The following RRP7A variants were observed in gnomAD, a reference collection of about 807,000 sequenced individuals.
RRP7A encodes the protein ribosomal RNA processing 7 homolog A, also known as ribosomal RNA-processing protein 7 homolog A.
Under a neutral mutation model 38.4 loss-of-function variants are expected in RRP7A, and 27 were observed. The ratio of observed to expected loss-of-function variants is 0.70; its 90% confidence interval spans 0.52 to 0.97. The LOEUF (loss-of-function observed/expected upper bound fraction) is 0.97. Ranked by LOEUF, RRP7A falls within the 50% of genes least tolerant of loss-of-function variation. RRP7A has a pLI of 0.00. For missense variants in RRP7A, 327 were observed against 375.4 expected (o/e 0.87, Z 1.07); for synonymous variants, 124 against 150.3 (o/e 0.83, Z 1.28).
In RRP7A at chr22:42,517,583, G is replaced by A. The variant is rs377467269; in HGVS notation, c.216+422C>T. Among the ~76,000 whole-genome samples, 70 of 152,008 alleles carry A rather than the reference G, an allele frequency of 4.6e-4. 2 individuals carry two copies. The highest frequency in any genetic ancestry group is 1.6e-3 in the African/African-American group (67 of 41,478). ...TGCCCAGGCTGGAGTGCAGTGGCGC[G>A]ATCTTGGCTCACTGCAACCTACACC... is the stretch of plus-strand genomic sequence containing the variant. On this transcript the variant is annotated intron_variant, in intron 2 of 6. Coordinates refer to ENST00000323013, the MANE Select transcript of RRP7A (RefSeq NM_015703.5).
intron 1 of RRP7A, 103 bp from the exon 2 acceptor site, chr22:42,518,250 C>T (rs1920936607): frequency 4.1e-6 from 4 of 976,570 alleles, no homozygotes; most frequent in Non-Finnish European, 6.3e-6. Flanking sequence ...CTAGTCCTAT[C>T]TGTTCATCGA....
Position 42,512,193 on chromosome 22 carries a change from A to G in RRP7A, c.*717T>C, listed in dbSNP as rs1326045283. 1 of 1,611,418 alleles carries G rather than the reference A, an allele frequency of 6.2e-7. No homozygotes were observed. The highest frequency in any genetic ancestry group is 8.5e-7 in the Non-Finnish European group (1 of 1,178,176). ...ACCCCAGCACGTGGCCAGTATCATC[A>G]GCTCCTTCTTACAGTGCACACACAC... On this transcript the variant is annotated 3_prime_UTR_variant, in exon 7 of 7. Coordinates refer to ENST00000323013, the MANE Select transcript of RRP7A (RefSeq NM_015703.5).
intron 2 of RRP7A, among the ~76,000 whole-genome samples, chr22:42,517,190 A>G (rs1438257996): frequency 1.3e-5 from 2 of 151,974 alleles, no homozygotes; most frequent in Admixed American, 6.6e-5. Context: ...CGGCAGGAGA[A>G]TCACTTGAAC....
rs1932396544 is a variant in RRP7A, at chr22:42,509,855, G to GTGTGTGTGTGTGTA, written c.*3041_*3054dup. 1 of 149,818 alleles carries GTGTGTGTGTGTGTA rather than the reference G, an allele frequency of 6.7e-6. No homozygotes were observed. The highest frequency in any genetic ancestry group is 2.5e-5 in the African/African-American group (1 of 40,712). 9.3% of individuals were successfully genotyped at this position (149,818 alleles called of 1,614,324 possible). The stretch of plus-strand genomic sequence containing the variant: ...TGTTGGGGGTGGGGGGGTGGGGTGT[G>GTGTGTGTGTGTGTA]TGTGTGTGTGTGTAAGCTCAGAGGT... On this transcript the variant is annotated 3_prime_UTR_variant, in exon 7 of 7. Coordinates refer to ENST00000323013, the MANE Select transcript of RRP7A (RefSeq NM_015703.5).
Position 42,514,188 on chromosome 22 carries a change from C to A in RRP7A, c.675G>T (p.Val225=). ...LPRTEAASLR[V]LERERRKRSR... ...TGCGCTTCCGTCTCTCCCTCTCCAG[C>A]ACCCGCAAGCTGGCTGCCTCAGTCC... The change falls in exon 6 of 7, where the codon GTG becomes GTT. Residue 225 remains valine (V), a synonymous_variant. Coordinates refer to ENST00000323013, the MANE Select transcript of RRP7A (RefSeq NM_015703.5). The A allele has an allele frequency of 6.2e-7, 1 of 1,612,498 alleles. No homozygotes were observed. The highest frequency in any genetic ancestry group is 1.1e-5 in the South Asian group (1 of 90,980).
chr22:42,510,696 T>TA lies in RRP7A; in HGVS notation c.*2213dup, dbSNP rs1378165138. ...GACAAGGAGTCCCTGTCGTTCATGATAGACACAATGAAATCCACCCTCAAA... is the reference window on the plus strand; with the variant it reads ...GACAAGGAGTCCCTGTCGTTCATGATAAGACACAATGAAATCCACCCTCAAA... On this transcript the variant is annotated 3_prime_UTR_variant, in exon 7 of 7. Coordinates refer to ENST00000323013, the MANE Select transcript of RRP7A (RefSeq NM_015703.5). 1.2e-5 allele frequency: 18 copies of TA among 1,490,922 alleles called. No individual in the cohort carries two copies. The highest frequency in any genetic ancestry group is 5.4e-5 in the Admixed American group (3 of 55,308). 92.4% of individuals were successfully genotyped at this position (1,490,922 alleles called of 1,614,324 possible). A position where few individuals can be genotyped will look rare whatever the true frequency, so the allele number is the denominator to read the frequency against.
At chr22:42,517,800 A>G (rs1168022634) in intron 2 of RRP7A, among the ~76,000 whole-genome samples, 3 of 152,218 alleles carry the variant, frequency 2.0e-5, no homozygotes, top group Non-Finnish European at 4.4e-5. Flanking sequence ...GATTACAGGC[A>G]TGAGCCACCG....
chr22:42,512,866 C>T lies in RRP7A; in HGVS notation c.*44G>A. 2 of 1,591,902 alleles carry T rather than the reference C, an allele frequency of 1.3e-6. No individual in the cohort carries two copies. The highest frequency in any genetic ancestry group is 2.2e-5 in the South Asian group (2 of 89,786). On this transcript the variant is annotated 3_prime_UTR_variant, in exon 7 of 7. Transcript: ENST00000323013. Reference sequence around the variant, plus strand: ...ACCGCTGCAGGCCCTGCCTCGCCTCCTCCTGGCCCTGCACCTCCAGCCATT... The same window carrying T: ...ACCGCTGCAGGCCCTGCCTCGCCTCTTCCTGGCCCTGCACCTCCAGCCATT...
chr22:42,519,404 G>T (rs557034023), intron 1 of RRP7A, among the ~76,000 whole-genome samples: 1 of 152,330 alleles, frequency 6.6e-6, no homozygotes, highest in East Asian at 1.9e-4. Flanking sequence ...AGAAGGGGAT[G>T]GGCTCACCTG....
chr22:42,511,532 T>C lies in RRP7A; in HGVS notation c.*1378A>G, dbSNP rs1215122221. The C allele has an allele frequency of 3.7e-5, 6 of 161,692 alleles. No individual in the cohort carries two copies. The highest frequency in any genetic ancestry group is 5.4e-5 in the Non-Finnish European group (4 of 74,504). The allele number at this position is 161,692 out of a possible 1,614,324, so 10.0% of individuals were successfully genotyped here. A position where few individuals can be genotyped will look rare whatever the true frequency, so the allele number is the denominator to read the frequency against. On this transcript the variant is annotated 3_prime_UTR_variant, in exon 7 of 7. Transcript: ENST00000323013. ...AGAACACCTGGCTGCCTCATCCCTC[T>C]GCACCCATCACGCCAGTGGGCATGC...
chr22:42,519,483 G>A (rs918926670), intron 1 of RRP7A, among the ~76,000 whole-genome samples: 8 of 152,146 alleles, frequency 5.3e-5, no homozygotes, highest in African/African-American at 1.9e-4. Flanking sequence ...GCTCACCCAA[G>A]GGAAGCGTGG....
At chr22:42,516,842 T>G (rs5021906) in intron 2 of RRP7A, among the ~76,000 whole-genome samples, 1 of 151,560 alleles carries the variant, frequency 6.6e-6, no homozygotes, top group Non-Finnish European at 1.5e-5. Flanking sequence ...AGCTGGACAC[T>G]TGCCACTGGG....
At position 42,510,448 on chromosome 22, in the gene RRP7A, G is replaced by C; in HGVS notation, c.*2462C>G. On this transcript the variant is annotated 3_prime_UTR_variant, in exon 7 of 7. Coordinates refer to ENST00000323013, the MANE Select transcript of RRP7A (RefSeq NM_015703.5). ...TGCTTGCGCCTGGCTTGTGCCAGCT[G>C]AGCGTGAGCTGAGATTAACTGAGCC... The C allele has an allele frequency of 3.3e-6, 1 of 299,142 alleles. No individual in the cohort carries two copies. Among genetic ancestry groups the C allele is most frequent in the Non-Finnish European group, 6.5e-6 (1 of 154,366 alleles). The allele number at this position is 299,142 out of a possible 1,614,324, so 18.5% of individuals were successfully genotyped here.
Position 42,515,268 on chromosome 22 carries a change from C to T in RRP7A, c.343G>A (p.Gly115Ser), listed in dbSNP as rs1920926789. ...AACACCACATAGGCTACCTGGAAAC[C>T]CTGAAGAGAGAGAGATGTCAGAGGT... ...SKFFHPKPVP[G>S]FQVAYVVFQK... Residue 115 changes from glycine (G) to serine (S), a missense_variant and splice_region_variant, in exon 4 of 7, where the codon GGT becomes AGT. Transcript: ENST00000323013. 7.3e-7 allele frequency: 1 copy of T among 1,366,884 alleles called. No homozygotes were observed. Among genetic ancestry groups the T allele is most frequent in the Non-Finnish European group, 1.0e-6 (1 of 993,330 alleles). The allele number at this position is 1,366,884 out of a possible 1,614,324, so 84.7% of individuals were successfully genotyped here. A position where few individuals can be genotyped will look rare whatever the true frequency, so the allele number is the denominator to read the frequency against.
In RRP7A at chr22:42,511,201, G is replaced by A. The variant is rs1236262264; in HGVS notation, c.*1709C>T. The A allele has an allele frequency of 6.6e-6, 1 of 151,184 alleles. No individual in the cohort carries two copies. Among genetic ancestry groups the A allele is most frequent in the African/African-American group, 2.4e-5 (1 of 41,062 alleles). 9.4% of individuals were successfully genotyped at this position (151,184 alleles called of 1,614,324 possible). A position where few individuals can be genotyped will look rare whatever the true frequency, so the allele number is the denominator to read the frequency against. ...ACACTTTTTTTTTTTTTTTGAGATGGAGTCTCACTCTGTCGCTCAGGCTGG... is the reference window on the plus strand; with the variant it reads ...ACACTTTTTTTTTTTTTTTGAGATGAAGTCTCACTCTGTCGCTCAGGCTGG... On this transcript the variant is annotated 3_prime_UTR_variant, in exon 7 of 7. Transcript: ENST00000323013.
At position 42,508,472 on chromosome 22, in the gene RRP7A, C is replaced by G. The variant is rs754939765; in HGVS notation, c.*4438G>C. ...TGTCACACCTACAGCACATCTCACTCAAGCTGGCCACATCCCCGCCATCCA... is the reference window on the plus strand; with the variant it reads ...TGTCACACCTACAGCACATCTCACTGAAGCTGGCCACATCCCCGCCATCCA... On this transcript the variant is annotated 3_prime_UTR_variant, in exon 7 of 7. Transcript: ENST00000323013. Among the ~76,000 whole-genome samples, 4 of 152,202 alleles carry G rather than the reference C, an allele frequency of 2.6e-5. No individual in the cohort carries two copies. The highest frequency in any genetic ancestry group is 4.8e-5 in the African/African-American group (2 of 41,432).
intron 2 of RRP7A, among the ~76,000 whole-genome samples, chr22:42,516,794 C>T (rs1212124489): frequency 6.6e-6 from 1 of 152,164 alleles, no homozygotes; most frequent in Non-Finnish European, 1.5e-5. Context: ...CACCTGGGCG[C>T]TGACTACACA....
At chr22:42,518,705 C>T in intron 1 of RRP7A, 1 of 470,948 alleles carries the variant, frequency 2.1e-6, no homozygotes, top group South Asian at 1.5e-5. Flanking sequence ...TGTGCCTTCA[C>T]AGCTTCTCTT....
intron 6 of RRP7A, among the ~76,000 whole-genome samples, chr22:42,513,310 T>C (rs1193534288): frequency 2.5e-5 from 3 of 121,902 alleles, no homozygotes; most frequent in Non-Finnish European, 5.3e-5. Context: ...GAAGGAGTCT[T>C]GAGCGCTCGG....
Sources: allele counts gnomAD v4.1 joint callset (sites outside exome capture counted in the v4.1 genomes callset), GRCh38; gene constraint gnomAD v4.1.1; transcripts MANE v1.5; gene names NCBI Gene and HGNC (gene_info 2026-07-23, HGNC 2026-07-21).